Variants in SNX29 observed in about 807,000 individuals in gnomAD.
SNX29 encodes the protein sorting nexin 29, also known as sorting nexin-29.
Under a neutral mutation model 102.1 loss-of-function variants are expected in SNX29, and 78 were observed. That is an observed-to-expected ratio of 0.76 (90% CI 0.64 to 0.92). The LOEUF (loss-of-function observed/expected upper bound fraction) is 0.92. Ranked by LOEUF, SNX29 falls within the 40% of genes least tolerant of loss-of-function variation. SNX29 has a pLI of 0.00. For synonymous variants in SNX29, 580 were observed against 414.5 expected (o/e 1.40, Z -4.85); for missense variants, 1,280 against 1,061.7 (o/e 1.21, Z -2.86).
chr16:12,484,308 C>T (rs2088119980), intron 19 of SNX29, among the ~76,000 whole-genome samples: 1 of 152,198 alleles, frequency 6.6e-6, no homozygotes, highest in Non-Finnish European at 1.5e-5. Context: ...ACCACTGCCC[C>T]TGGCTCCTGT....
intron 18 of SNX29, among the ~76,000 whole-genome samples, chr16:12,414,735 A>T (rs1006968899): frequency 2.0e-5 from 3 of 152,042 alleles, no homozygotes; most frequent in Non-Finnish European, 4.4e-5. Context: ...GTATGTATGT[A>T]TGTATTTAGA....
chr16:12,441,679 T>A (rs187816129), intron 18 of SNX29, among the ~76,000 whole-genome samples: 7 of 152,378 alleles, frequency 4.6e-5, no homozygotes, highest in African/African-American at 1.4e-4. Context: ...TCTGATATCA[T>A]GTCTAAGAAT....
intron 20 of SNX29, among the ~76,000 whole-genome samples, chr16:12,563,335 A>C (rs1468555366): frequency 1.3e-5 from 2 of 152,184 alleles, no homozygotes; most frequent in African/African-American, 4.8e-5. Context: ...ACCGTCGAGG[A>C]GTGGCCATTA....
intron 14 of SNX29, among the ~76,000 whole-genome samples, chr16:12,237,987 G>A (rs866616794): frequency 6.6e-6 from 1 of 152,208 alleles, no homozygotes; most frequent in Non-Finnish European, 1.5e-5. Flanking sequence ...AAGCAACGAC[G>A]CTGGCAGGCT....
chr16:12,147,642 A>C (rs2055119382), intron 13 of SNX29, among the ~76,000 whole-genome samples: 1 of 152,218 alleles, frequency 6.6e-6, no homozygotes, highest in Non-Finnish European at 1.5e-5. Flanking sequence ...TAGCCGATCC[A>C]AGGAGCCGCA....
chr16:12,356,315 C>T (rs1388651969), intron 16 of SNX29, 36 bp downstream of exon 16: 1 of 1,536,334 alleles, frequency 6.5e-7, no homozygotes, highest in Non-Finnish European at 8.8e-7. Context: ...TCTGTCAAGC[C>T]TCTGCTGCCC....
At chr16:12,567,173 T>A (rs1040905295) in intron 20 of SNX29, among the ~76,000 whole-genome samples, 3 of 152,238 alleles carry the variant, frequency 2.0e-5, no homozygotes. Context: ...TGGATGTTCC[T>A]GATCTGACAT....
chr16:12,285,359 A>G (rs752901851), intron 15 of SNX29, among the ~76,000 whole-genome samples: 2 of 152,098 alleles, frequency 1.3e-5, no homozygotes, highest in East Asian at 1.9e-4. Context: ...TCCCTTCCAT[A>G]TGGCAGGGCT....
chr16:12,350,861 G>A (rs1039139111), intron 15 of SNX29, among the ~76,000 whole-genome samples: 14 of 152,122 alleles, frequency 9.2e-5, no homozygotes, highest in Middle Eastern at 3.2e-3. Context: ...CCAGAAATCC[G>A]CATTTTTCAG....
At chr16:12,126,722 A>G (rs757493104) in intron 12 of SNX29, 26 bp downstream of exon 12, 41 of 1,612,672 alleles carry the variant, frequency 2.5e-5, no homozygotes, top group Non-Finnish European at 3.5e-5. Flanking sequence ...GGCTTGAGGA[A>G]TAGCCTCTTT....
At chr16:12,054,071 C>T (rs2050419330) in intron 8 of SNX29, among the ~76,000 whole-genome samples, 1 of 151,950 alleles carries the variant, frequency 6.6e-6, no homozygotes. Flanking sequence ...GGGTTCATGC[C>T]ATTCTCCTGC....
intron 13 of SNX29, among the ~76,000 whole-genome samples, chr16:12,132,079 G>C (rs1442700600): frequency 6.6e-6 from 1 of 151,798 alleles, no homozygotes; most frequent in Admixed American, 6.6e-5. Context: ...TCAGCAAAGA[G>C]AGACAGAATT....
chr16:12,135,454 A>G lies in SNX29; in HGVS notation c.1595+5696A>G. On this transcript the variant is annotated intron_variant, in intron 13 of 20. Transcript: ENST00000566228. ...GGGTTGCTCCATCCATGAGGGCTTT[A>G]CAGGAGGGCATGTGACCAGGATGGT... 6.5e-6 allele frequency: 8 copies of G among 1,236,560 alleles called. No homozygotes were observed. The South Asian group carries it at 1.0e-4, about 16-fold the overall frequency. 76.6% of individuals were successfully genotyped at this position (1,236,560 alleles called of 1,614,324 possible). A position where few individuals can be genotyped will look rare whatever the true frequency, so the allele number is the denominator to read the frequency against.
intron 11 of SNX29, among the ~76,000 whole-genome samples, chr16:12,119,259 C>A (rs1434553974): frequency 1.3e-5 from 2 of 152,198 alleles, no homozygotes; most frequent in East Asian, 3.9e-4. Flanking sequence ...ACTTTGCTCC[C>A]TGGAGGCCCT....
intron 13 of SNX29, among the ~76,000 whole-genome samples, chr16:12,131,085 G>T (rs2054446272): frequency 6.6e-6 from 1 of 152,214 alleles, no homozygotes; most frequent in African/African-American, 2.4e-5. Flanking sequence ...AACTCGCCTG[G>T]CACGGGTGTG....
intron 20 of SNX29, among the ~76,000 whole-genome samples, chr16:12,541,756 C>G (rs16959859): frequency 6.6e-6 from 1 of 151,960 alleles, no homozygotes; most frequent in Non-Finnish European, 1.5e-5. Flanking sequence ...CAGCCAGTGC[C>G]TGATACTGAC....
chr16:12,427,274 G>A (rs543820080), intron 18 of SNX29, among the ~76,000 whole-genome samples: 1 of 151,630 alleles, frequency 6.6e-6, no homozygotes, highest in Admixed American at 6.6e-5. Context: ...TGTCGTTGCT[G>A]TTGTTTTTTT....
At chr16:12,366,475 T>C (rs2082485559) in intron 16 of SNX29, among the ~76,000 whole-genome samples, 1 of 152,218 alleles carries the variant, frequency 6.6e-6, no homozygotes. Flanking sequence ...CCTTATCTCA[T>C]GAGCCTGCCC....
intron 18 of SNX29, among the ~76,000 whole-genome samples, chr16:12,452,674 G>A (rs548139201): frequency 3.8e-4 from 58 of 152,166 alleles, no homozygotes; most frequent in African/African-American, 1.3e-3. Context: ...GACTGGTGTC[G>A]GGAAGAGGTA....
Sources: gnomAD v4.1 joint callset for allele counts (sites outside exome capture counted in the v4.1 genomes callset) on GRCh38, gnomAD v4.1.1 for gene constraint, MANE v1.5 for transcripts, NCBI Gene and HGNC (gene_info 2026-07-23, HGNC 2026-07-21) for gene names.